TTK: variants seen among roughly 807,000 people sequenced by gnomAD.
The protein encoded by TTK is TTK protein kinase, also known as dual specificity protein kinase TTK.
TTK carries 59 observed loss-of-function variants against 117.3 expected under a neutral mutation model. The observed-to-expected ratio is 0.50, with a 90% CI of 0.41 to 0.62. TTK has a LOEUF of 0.62. TTK is among the 20% of genes least tolerant of loss of function. TTK has a pLI of 0.00. For missense variants in TTK, 921 were observed against 989.4 expected, an observed-to-expected ratio of 0.93 and a Z score of 0.93; for synonymous variants, 302 against 325.0, an observed-to-expected ratio of 0.93 and a Z score of 0.76.
At chr6:80,022,138 C>A (rs867978718) in intron 10 of TTK, among the ~76,000 whole-genome samples, 186 bp from the exon 11 acceptor site, 3 of 152,136 alleles carry the variant, frequency 2.0e-5, no homozygotes, top group African/African-American at 7.2e-5. Context: ...TATAGTGCAA[C>A]TTTGTGAAAT....
chr6:80,031,404 C>T, intron 13 of TTK, 63 bp from the exon 14 acceptor site: 4 of 966,948 alleles, frequency 4.1e-6, no homozygotes, highest in South Asian at 5.5e-5. Context: ...TTGACTGTAC[C>T]AAATGTAAGC....
In TTK at chr6:80,035,008, G is replaced by T; in HGVS notation, c.1638G>T (p.Lys546Asn). ...AGGTATTTCAGGTGTTAAATGAAAA[G>T]AAACAGATATATGCTATAAAATATG... ...SSKVFQVLNE[K>N]KQIYAIKYVN... The change falls in exon 15 of 22, where the codon AAG becomes AAT. Residue 546 changes from lysine to asparagine, a missense_variant. Transcript: ENST00000369798. 1.3e-6 allele frequency: 2 copies of T among 1,573,856 alleles called. No individual in the cohort carries two copies. Among genetic ancestry groups the T allele is most frequent in the South Asian group, 1.2e-5 (1 of 82,620 alleles).
chr6:80,014,167 A>G (rs913676135), intron 9 of TTK, among the ~76,000 whole-genome samples: 1 of 152,176 alleles, frequency 6.6e-6, no homozygotes, highest in Admixed American at 6.5e-5. Context: ...GGCATACTCT[A>G]TGTTGAATTC....
chr6:80,011,629 G>A, intron 6 of TTK, 81 bp downstream of exon 6: 1 of 1,515,200 alleles, frequency 6.6e-7, no homozygotes, highest in South Asian at 1.2e-5. Flanking sequence ...ACATGTATCT[G>A]CATATATGTT....
chr6:80,012,289 T>A (rs747655985), intron 8 of TTK, among the ~76,000 whole-genome samples: 1 of 152,000 alleles, frequency 6.6e-6, no homozygotes, highest in East Asian at 1.9e-4. Context: ...AAGAATCTCT[T>A]CCTGTTTTGT....
chr6:80,031,387 G>T, intron 13 of TTK, 80 bp from the exon 14 acceptor site: 1 of 667,754 alleles, frequency 1.5e-6, no homozygotes, highest in Non-Finnish European at 2.3e-6. Context: ...TTCAAAATGG[G>T]GAGCAGTTGA....
At chr6:80,029,666 G>A (rs1767702340) in intron 13 of TTK, among the ~76,000 whole-genome samples, 2 of 152,150 alleles carry the variant, frequency 1.3e-5, no homozygotes, top group African/African-American at 4.8e-5. Flanking sequence ...GAGGCCCAAG[G>A]TTTGCTGGGC....
intron 2 of TTK, among the ~76,000 whole-genome samples, chr6:80,006,441 A>G (rs1021973879): frequency 3.3e-5 from 5 of 152,180 alleles, no homozygotes; most frequent in African/African-American, 9.6e-5. Flanking sequence ...CTAGAAAATG[A>G]TAGTTTTAGT....
chr6:80,042,283 A>T lies in TTK; in HGVS notation c.*81A>T. 1 of 1,121,426 alleles carries T rather than the reference A, an allele frequency of 8.9e-7. No homozygotes were observed. Among genetic ancestry groups the T allele is most frequent in the African/African-American group, 1.6e-5 (1 of 64,300 alleles). 69.5% of individuals were successfully genotyped at this position (1,121,426 alleles called of 1,614,324 possible). ...CTCTTGAATCCCTGTGGAAATCTAC[A>T]TTTGAAGACAACATCACTCTGAAGT... On this transcript the variant is annotated 3_prime_UTR_variant, in exon 22 of 22. Coordinates refer to ENST00000369798, the MANE Select transcript of TTK (RefSeq NM_003318.5).
At chr6:80,030,698 A>G (rs150639199) in intron 13 of TTK, among the ~76,000 whole-genome samples, 46 of 152,010 alleles carry the variant, frequency 3.0e-4, no homozygotes, top group African/African-American at 9.6e-4. Flanking sequence ...GAGGAAATCT[A>G]CCCCCATGAT....
Position 80,017,559 on chromosome 6 carries a change from G to T in TTK, c.1108+2973G>T, listed in dbSNP as rs149515619. 3.2e-4 allele frequency among the ~76,000 whole-genome samples: 49 copies of T among 152,326 alleles called. No individual in the cohort carries two copies. The East Asian group carries it at 7.0e-3, about 22-fold the overall frequency. On this transcript the variant is annotated intron_variant, in intron 10 of 21. Transcript: ENST00000369798. ...TTCCCAAAGTGCTGGGATTACAAGT[G>T]TGAGCTATCACACCAGGCCTAATGC...
At chr6:80,006,115 ACATG>A in intron 2 of TTK, 133 bp downstream of exon 2, 1 of 1,254,728 alleles carries the variant, frequency 8.0e-7, no homozygotes, top group Non-Finnish European at 1.1e-6. Flanking sequence ...AATGCAGGCT[ACATG>A]ATGGCAGGGT....
intron 9 of TTK, among the ~76,000 whole-genome samples, chr6:80,013,900 C>G (rs1043392759): frequency 2.0e-5 from 3 of 151,812 alleles, no homozygotes; most frequent in African/African-American, 7.3e-5. Context: ...TGAGTTAAAC[C>G]CCTGGCATCA....
In TTK at chr6:80,027,949, C is replaced by T; in HGVS notation, c.1459C>T (p.Gln487Ter). The T allele has an allele frequency of 6.2e-7, 1 of 1,608,006 alleles. No homozygotes were observed. The highest frequency in any genetic ancestry group is 2.3e-5 in the East Asian group (1 of 44,382). Residue 487 changes from glutamine to a stop codon, truncating the protein, a stop_gained, in exon 13 of 22, where the codon CAA (glutamine) becomes TAA (stop). Transcript: ENST00000369798. LOFTEE classifies it high-confidence loss of function. ...PACQLSTPYG[Q>*]PACFQQQQHQ... The stretch of plus-strand genomic sequence containing the variant: ...TTGTCAGTTGTCAACACCTTATGGC[C>T]AACCTGCCTGTTTCCAGCAGCAACA...
chr6:80,016,351 C>T (rs757958957), intron 10 of TTK, among the ~76,000 whole-genome samples: 5 of 152,290 alleles, frequency 3.3e-5, no homozygotes, highest in African/African-American at 1.2e-4. Flanking sequence ...GCTCCTGCTC[C>T]TGTTCTTTGC....
At chr6:80,040,739 T>C (rs373452502) in intron 21 of TTK, 36 bp downstream of exon 21, 26 of 1,578,820 alleles carry the variant, frequency 1.6e-5, no homozygotes, top group Admixed American at 7.3e-5. Flanking sequence ...ATTTTTACTG[T>C]TTTATATAGT....
chr6:80,027,977 A>C lies in TTK; in HGVS notation c.1487A>C (p.His496Pro), dbSNP rs772325809. 1 of 1,606,578 alleles carries C rather than the reference A, an allele frequency of 6.2e-7. No homozygotes were observed. The highest frequency in any genetic ancestry group is 8.5e-7 in the Non-Finnish European group (1 of 1,175,710). The change falls in exon 13 of 22, where the codon CAT (histidine) becomes CCT (proline). Residue 496 changes from histidine to proline, a missense_variant. Physicochemically the swap from His to Pro is moderately conservative, Grantham distance 77 (BLOSUM62 -2). Coordinates refer to ENST00000369798, the MANE Select transcript of TTK (RefSeq NM_003318.5). ...GQPACFQQQQ[H>P]QILATPLQNL... The stretch of plus-strand genomic sequence containing the variant: ...CCTGCCTGTTTCCAGCAGCAACAGC[A>C]TCAAATACTTGCCACTCCACTTCAA...
At chr6:80,019,633 A>G (rs542869858) in intron 10 of TTK, among the ~76,000 whole-genome samples, 114 of 152,332 alleles carry the variant, frequency 7.5e-4, no homozygotes, top group African/African-American at 2.6e-3. Flanking sequence ...AGTCTGAGTA[A>G]CAGGTAAACA....
chr6:80,035,933 A>T (rs1350506996), intron 16 of TTK, among the ~76,000 whole-genome samples: 1 of 151,844 alleles, frequency 6.6e-6, no homozygotes, highest in East Asian at 1.9e-4. Flanking sequence ...AATAACTGTT[A>T]TCCTAGTTAA....
Sources: gnomAD v4.1 joint callset for allele counts (sites outside exome capture counted in the v4.1 genomes callset) on GRCh38, gnomAD v4.1.1 for gene constraint, MANE v1.5 for transcripts, NCBI Gene and HGNC (gene_info 2026-07-23, HGNC 2026-07-21) for gene names.